Variants in TBC1D22A observed in about 807,000 individuals in gnomAD.
TBC1D22A encodes putative GTPase activator.
In TBC1D22A, 38 loss-of-function variants were observed where a neutral mutation model predicts 60.2. The ratio of observed to expected loss-of-function variants is 0.63; its 90% CI spans 0.49 to 0.83. The LOEUF (loss-of-function observed/expected upper bound fraction) is 0.83. TBC1D22A is among the 40% of genes least tolerant of loss of function. The pLI is 0.00. For missense variants in TBC1D22A, 628 were observed against 701.0 expected, an observed-to-expected ratio of 0.90 and a Z score of 1.18; for synonymous variants, 302 against 281.7, an observed-to-expected ratio of 1.07 and a Z score of -0.72.
intron 4 of TBC1D22A, among the ~76,000 whole-genome samples, chr22:46,799,503 T>A (rs1001556163): frequency 6.6e-6 from 1 of 152,236 alleles, no homozygotes; most frequent in Non-Finnish European, 1.5e-5. Context: ...AGTACTATTT[T>A]AACACTTGTA....
chr22:46,816,078 T>C (rs2085585471), intron 4 of TBC1D22A, among the ~76,000 whole-genome samples: 1 of 152,290 alleles, frequency 6.6e-6, no homozygotes, highest in East Asian at 1.9e-4. Context: ...ACCCTTGGGA[T>C]AGGGTCCCAA....
chr22:47,041,616 C>T (rs1303123519), intron 11 of TBC1D22A, among the ~76,000 whole-genome samples: 1 of 152,186 alleles, frequency 6.6e-6, no homozygotes, highest in African/African-American at 2.4e-5. Context: ...CTGCGGCGTC[C>T]TGGGCTCGGA....
In TBC1D22A at chr22:46,878,696, G is replaced by T. The variant is rs747055001; in HGVS notation, c.681G>T (p.Val227=). 3.7e-6 allele frequency: 6 copies of T among 1,613,184 alleles called. No individual in the cohort carries two copies. The Admixed American group carries it at 8.3e-5, about 22-fold the overall frequency. ...RLSWSGIPKP[V]RPMTWKLLSG... ...GCTGGTCCGGAATCCCTAAGCCAGT[G>T]CGTCCAATGACGTGGAAGCTCCTCT... The change falls in exon 5 of 13, where the codon GTG becomes GTT. Residue 227 remains valine, a synonymous_variant. Transcript: ENST00000337137.
At chr22:46,976,910 A>G (rs2074321147) in intron 9 of TBC1D22A, among the ~76,000 whole-genome samples, 1 of 152,222 alleles carries the variant, frequency 6.6e-6, no homozygotes, top group African/African-American at 2.4e-5. Context: ...CTCACCAGGA[A>G]GAGGGTCTTC....
At chr22:47,160,225 G>A (rs1267876086) in intron 12 of TBC1D22A, among the ~76,000 whole-genome samples, 2 of 152,220 alleles carry the variant, frequency 1.3e-5, no homozygotes, top group African/African-American at 4.8e-5. Context: ...CGTGGACACC[G>A]CCTGATCGAG....
At chr22:47,082,369 C>A (rs759153810) in intron 11 of TBC1D22A, among the ~76,000 whole-genome samples, 19 of 151,868 alleles carry the variant, frequency 1.3e-4, no homozygotes, top group Non-Finnish European at 2.8e-4. Context: ...TCCTACAGAG[C>A]GGCAGTTATC....
intron 10 of TBC1D22A, 142 bp downstream of exon 10, chr22:46,997,851 T>A: frequency 1.5e-6 from 1 of 655,222 alleles, no homozygotes; most frequent in Non-Finnish European, 2.7e-6. Context: ...CTGAGACAGC[T>A]GCTGGTGCGT....
intron 11 of TBC1D22A, among the ~76,000 whole-genome samples, chr22:47,109,615 G>C (rs986469184): frequency 1.3e-5 from 2 of 152,094 alleles, no homozygotes; most frequent in African/African-American, 4.8e-5. Flanking sequence ...CAGTTCCAAA[G>C]AATAACTCAT....
intron 12 of TBC1D22A, among the ~76,000 whole-genome samples, chr22:47,166,235 G>C (rs1183830914): frequency 1.3e-5 from 2 of 152,156 alleles, no homozygotes; most frequent in Non-Finnish European, 2.9e-5. Flanking sequence ...GCACTGGTCA[G>C]TGCTGCCAGC....
rs540487091 is a variant in TBC1D22A, at chr22:47,068,978, C to T, written c.1329+31780C>T. On this transcript the variant is annotated intron_variant, in intron 11 of 12. Transcript: ENST00000337137. ...ATTAGACATATTATTTGTGACTCTA[C>T]GTTTTTTTAAATGTGGCTCACTGAG... is the stretch of plus-strand genomic sequence containing the variant. 8.5e-5 allele frequency among the ~76,000 whole-genome samples: 13 copies of T among 152,256 alleles called. No homozygotes were observed. The East Asian group carries it at 9.6e-4, about 11-fold the overall frequency.
intron 10 of TBC1D22A, among the ~76,000 whole-genome samples, chr22:47,029,580 C>T (rs1384057171): frequency 2.6e-5 from 4 of 152,220 alleles, no homozygotes; most frequent in East Asian, 1.9e-4. Context: ...AGCCCAGACT[C>T]GGCTGCTGCC....
At chr22:46,919,574 A>G (rs1255185286) in intron 8 of TBC1D22A, among the ~76,000 whole-genome samples, 1 of 152,154 alleles carries the variant, frequency 6.6e-6, no homozygotes, top group Non-Finnish European at 1.5e-5. Context: ...ACTGGGTCAC[A>G]TGGTTACTCT....
intron 4 of TBC1D22A, among the ~76,000 whole-genome samples, chr22:46,867,457 C>T (rs2067110130): frequency 6.6e-6 from 1 of 152,144 alleles, no homozygotes; most frequent in African/African-American, 2.4e-5. Flanking sequence ...AAAAATATAC[C>T]TTCAAGGTCC....
rs1354805420 is a variant in TBC1D22A at position 46,900,149 on chromosome 22, G to GT, written c.900+5320dup. Among the ~76,000 whole-genome samples, 586 of 144,972 alleles carry GT rather than the reference G, an allele frequency of 4.0e-3. 5 individuals carry two copies. The highest frequency in any genetic ancestry group is 0.013 in the African/African-American group (489 of 38,256). On this transcript the variant is annotated intron_variant, in intron 7 of 12. Transcript: ENST00000337137. Reference sequence around the variant, plus strand: ...ATAATTGGATGTTTTGACAGCTGTGGTTTTTTTTTTTTTTTTTGAGATGGA... The same window carrying GT: ...ATAATTGGATGTTTTGACAGCTGTGGTTTTTTTTTTTTTTTTTTGAGATGGA...
chr22:47,101,507 A>G lies in TBC1D22A; in HGVS notation c.1330-10001A>G, dbSNP rs559382125. Among the ~76,000 whole-genome samples the G allele has an allele frequency of 3.9e-5, 6 of 152,356 alleles. No homozygotes were observed. The East Asian group carries it at 1.2e-3, about 29-fold the overall frequency. On this transcript the variant is annotated intron_variant, in intron 11 of 12. Transcript: ENST00000337137. Reference sequence around the variant, plus strand: ...TCCCAATGCAGCGACCAGCTGCCTCAGCCATGCCTGTGGGGCGAGGCGGCC... The same window carrying G: ...TCCCAATGCAGCGACCAGCTGCCTCGGCCATGCCTGTGGGGCGAGGCGGCC...
At chr22:46,988,813 G>A (rs2074823985) in intron 9 of TBC1D22A, among the ~76,000 whole-genome samples, 1 of 152,228 alleles carries the variant, frequency 6.6e-6, no homozygotes, top group Non-Finnish European at 1.5e-5. Context: ...AGCTGCTTTA[G>A]CCTCTAACAA....
intron 4 of TBC1D22A, among the ~76,000 whole-genome samples, chr22:46,877,932 C>G (rs555688874): frequency 3.7e-4 from 56 of 152,314 alleles, no homozygotes; most frequent in African/African-American, 1.3e-3. Context: ...ACCCCTCTGC[C>G]TGATGCTTGT....
intron 10 of TBC1D22A, among the ~76,000 whole-genome samples, chr22:47,003,253 T>C (rs2061454071): frequency 6.6e-6 from 1 of 152,062 alleles, no homozygotes; most frequent in Non-Finnish European, 1.5e-5. Context: ...CCTCCAGGGG[T>C]GAGTTCTGAG....
intron 4 of TBC1D22A, among the ~76,000 whole-genome samples, chr22:46,852,910 G>A (rs1382722494): frequency 1.3e-5 from 2 of 152,190 alleles, no homozygotes; most frequent in East Asian, 1.9e-4. Context: ...ACTGAGGTCC[G>A]TTCCGTTTCT....
Sources: gnomAD v4.1 joint callset for allele counts (sites outside exome capture counted in the v4.1 genomes callset) on GRCh38, gnomAD v4.1.1 for gene constraint, MANE v1.5 for transcripts, NCBI Gene and HGNC (gene_info 2026-07-23, HGNC 2026-07-21) for gene names.